BLACAT1: variants seen among roughly 807,000 people sequenced by gnomAD.
BLACAT1 encodes the protein bladder cancer associated transcript 1.
intron 1 of BLACAT1, among the ~76,000 whole-genome samples, chr1:205,453,436 C>T (rs1480549808): frequency 6.6e-6 from 1 of 152,138 alleles, no homozygotes; most frequent in African/African-American, 2.4e-5. Flanking sequence ...CCCCCAGCCC[C>T]CTGAGGTAAA....
At chr1:205,446,871 C>T (rs1413418571) in intron 1 of BLACAT1, among the ~76,000 whole-genome samples, 6 of 152,168 alleles carry the variant, frequency 3.9e-5, no homozygotes, top group Non-Finnish European at 8.8e-5. Flanking sequence ...CTGGATCAGC[C>T]CCAGCAAAAA....
downstream of BLACAT1, chr1:205,435,324 G>A (rs1405494679): frequency 6.6e-6 from 1 of 152,312 alleles, no homozygotes; most frequent in African/African-American, 2.4e-5. Flanking sequence ...GACATAAGGA[G>A]AGGACTAGAA....
chr1:205,452,985 C>A (rs1166050316), intron 1 of BLACAT1, among the ~76,000 whole-genome samples: 5 of 152,090 alleles, frequency 3.3e-5, no homozygotes. Flanking sequence ...TTGGAGCTCC[C>A]TTATGCCTGT....
downstream of BLACAT1, chr1:205,435,682 C>T (rs374260448): frequency 1.5e-4 from 23 of 152,324 alleles, no homozygotes; most frequent in African/African-American, 5.1e-4. Context: ...GTTTAATTTT[C>T]CCAAGAAGGG....
chr1:205,443,878 A>C (rs570697353), intron 1 of BLACAT1, among the ~76,000 whole-genome samples: 99 of 152,282 alleles, frequency 6.5e-4, no homozygotes, highest in Non-Finnish European at 1.1e-3. Context: ...CAGAGTCCCC[A>C]GCAGCAGGTA....
chr1:205,447,340 T>C (rs879576874), intron 1 of BLACAT1, among the ~76,000 whole-genome samples: 2 of 152,214 alleles, frequency 1.3e-5, no homozygotes, highest in Non-Finnish European at 2.9e-5. Flanking sequence ...ACATAGTAGG[T>C]ACCCAGTAAG....
downstream of BLACAT1, chr1:205,435,965 G>C (rs894911168): frequency 8.5e-5 from 13 of 152,250 alleles, no homozygotes; most frequent in African/African-American, 3.1e-4. Flanking sequence ...TAAAGGATGA[G>C]GGCAGAAACC....
downstream of BLACAT1, chr1:205,437,471 A>G (rs9662770): frequency 3.9e-4 from 59 of 152,400 alleles, 1 homozygote; most frequent in African/African-American, 1.4e-3. Context: ...GAGAGGCAGA[A>G]CTGCAAGGAG....
intron 1 of BLACAT1, among the ~76,000 whole-genome samples, chr1:205,453,236 A>G (rs942227751): frequency 6.6e-6 from 1 of 152,174 alleles, no homozygotes; most frequent in African/African-American, 2.4e-5. Flanking sequence ...GGCTAGTTTC[A>G]TGAAGATGGA....
At chr1:205,438,081 C>G (rs1454353564), downstream of BLACAT1, among the ~76,000 whole-genome samples, 1 of 152,190 alleles carries the variant, frequency 6.6e-6, no homozygotes, top group South Asian at 2.1e-4. Flanking sequence ...GGCCAGGGTC[C>G]TAGGCAACAC....
intron 1 of BLACAT1, among the ~76,000 whole-genome samples, chr1:205,452,514 C>G (rs1400903352): frequency 6.6e-6 from 1 of 152,208 alleles, no homozygotes; most frequent in Non-Finnish European, 1.5e-5. Flanking sequence ...ATAGGGTGCA[C>G]AGCCACTTCT....
In BLACAT1 at chr1:205,441,260, C is replaced by G. The variant is rs1157921507; in HGVS notation, c.-36-198G>C. On this transcript the variant is annotated intron_variant, in intron 1 of 1. Coordinates refer to ENST00000629624, the Ensembl canonical transcript of BLACAT1. The surrounding 1 kb of genome is among the most constrained non-coding windows in gnomAD (Gnocchi z 4.3). ...CAGCTCTTTGAAACCTCAGTGTTTC[C>G]TGATCTGTGTGGAGCTGATGTCATT... 6.6e-6 allele frequency among the ~76,000 whole-genome samples: 1 copy of G among 152,166 alleles called. No homozygotes were observed. The highest frequency in any genetic ancestry group is 1.5e-5 in the Non-Finnish European group (1 of 68,024).
rs866524604 is a variant in BLACAT1 at position 205,450,623 on chromosome 1, C to G, written c.-37+5294G>C. Among the ~76,000 whole-genome samples, 1 of 152,124 alleles carries G rather than the reference C, an allele frequency of 6.6e-6. No homozygotes were observed. The highest frequency in any genetic ancestry group is 2.4e-5 in the African/African-American group (1 of 41,418). ...ACCCACCCTCACCCAGTCCTGCGCT[C>G]GGATTCCCAGCCATAGCCTGCCAAT... On this transcript the variant is annotated intron_variant, in intron 1 of 1. Transcript: ENST00000629624. The surrounding 1 kb of genome is among the most constrained non-coding windows in gnomAD (Gnocchi z 4.4).
chr1:205,454,887 A>C (rs1398792596), intron 1 of BLACAT1, among the ~76,000 whole-genome samples: 1 of 152,140 alleles, frequency 6.6e-6, no homozygotes, highest in Non-Finnish European at 1.5e-5. Context: ...ATCGTCAGGA[A>C]AGATTAAATC....
chr1:205,448,742 GGCCGGATCTTTTCAAGGCTGCTGCT>G lies in BLACAT1; in HGVS notation c.-37+7150_-37+7174del. 6.6e-6 allele frequency among the ~76,000 whole-genome samples: 1 copy of G among 152,138 alleles called. No individual in the cohort carries two copies. Among genetic ancestry groups the G allele is most frequent in the South Asian group, 2.1e-4 (1 of 4,824 alleles). On this transcript the variant is annotated intron_variant, in intron 1 of 1. Transcript: ENST00000629624. The surrounding 1 kb of genome is among the most constrained non-coding windows in gnomAD (Gnocchi z 4.7). ...TAACTACCCCTTCCCTAGAGAATAA[GGCCGGATCTTTTCAAGGCTGCTGCT>G]GCCAGTACCCAGGATGGGGGGCCCC... is the stretch of plus-strand genomic sequence containing the variant.
At chr1:205,455,063 T>C (rs1666546490) in intron 1 of BLACAT1, among the ~76,000 whole-genome samples, 1 of 152,054 alleles carries the variant, frequency 6.6e-6, no homozygotes, top group Admixed American at 6.5e-5. Flanking sequence ...CCAGCTCTTG[T>C]TCCCCGGGGG....
At chr1:205,447,761 G>A (rs985572503) in intron 1 of BLACAT1, among the ~76,000 whole-genome samples, 1 of 151,832 alleles carries the variant, frequency 6.6e-6, no homozygotes, top group African/African-American at 2.4e-5. Context: ...CCGGGGGAGC[G>A]CCTGCCTTCC....
intron 1 of BLACAT1, among the ~76,000 whole-genome samples, chr1:205,443,543 C>T (rs1666332310): frequency 6.6e-6 from 1 of 152,112 alleles, no homozygotes; most frequent in Non-Finnish European, 1.5e-5. Flanking sequence ...GGGGCTGTAG[C>T]CTGGCTCCCG....
At chr1:205,440,226 G>A (rs1666270164) in exon 2 of BLACAT1, among the ~76,000 whole-genome samples, 1 of 152,186 alleles carries the variant, frequency 6.6e-6, no homozygotes, top group Admixed American at 6.5e-5. Context: ...ATGCTGGCAA[G>A]GAGGCACAGG....
Sources: gnomAD v4.1 joint callset for allele counts (sites outside exome capture counted in the v4.1 genomes callset) on GRCh38, gnomAD v4.1.1 for gene constraint, Gnocchi (gnomAD v3.1) non-coding constraint, MANE v1.5 for transcripts, NCBI Gene and HGNC (gene_info 2026-07-23, HGNC 2026-07-21) for gene names.